The following GRIK1 variants were observed in gnomAD, a reference collection of about 807,000 sequenced individuals.
The protein encoded by GRIK1 is glutamate receptor ionotropic, kainate 1.
In GRIK1, 69 loss-of-function variants were observed where a neutral mutation model predicts 105.7. That is an observed-to-expected ratio of 0.65 (90% CI 0.54 to 0.80). The LOEUF (loss-of-function observed/expected upper bound fraction) is 0.80. GRIK1 is among the 30% of genes least tolerant of loss of function. The probability of loss-of-function intolerance (pLI) is 0.00; values close to 1 mark genes in which losing one functional copy is unlikely to be tolerated. For synonymous variants in GRIK1, 438 were observed against 431.3 expected, an observed-to-expected ratio of 1.02 and a Z score of -0.19; for missense variants, 1,109 against 1,167.3, an observed-to-expected ratio of 0.95 and a Z score of 0.73.
intron 4 of GRIK1, among the ~76,000 whole-genome samples, chr21:29,656,969 G>T (rs1185261778): frequency 6.6e-6 from 1 of 152,204 alleles, no homozygotes; most frequent in Admixed American, 6.5e-5. Flanking sequence ...GCACACTAAA[G>T]GATGTTTTTT....
At chr21:29,791,918 C>T (rs886679997) in intron 1 of GRIK1, among the ~76,000 whole-genome samples, 14 of 152,110 alleles carry the variant, frequency 9.2e-5, no homozygotes, top group African/African-American at 2.4e-5. Context: ...AATATTTACA[C>T]ATGTATTGAT....
rs926503735 is a variant in GRIK1, at chr21:29,726,958, C to A, written c.119-32895G>T. ...TTTTTTATTTTTTCTGAGACAGGGT[C>A]TCACTCTGTCACCCAGGTTGCAGTG... On this transcript the variant is annotated intron_variant, in intron 1 of 17. Transcript: ENST00000327783. Among the ~76,000 whole-genome samples, 4 of 152,006 alleles carry A rather than the reference C, an allele frequency of 2.6e-5. No homozygotes were observed. In the Middle Eastern group the frequency reaches 0.01, roughly 388 times the overall value.
intron 15 of GRIK1, among the ~76,000 whole-genome samples, chr21:29,560,363 T>TTC (rs2090393937): frequency 4.2e-4 from 20 of 47,852 alleles, no homozygotes; most frequent in African/African-American, 1.7e-3. Flanking sequence ...TTCTTTTTCT[T>TTC]TCTTCCTTCC....
intron 16 of GRIK1, among the ~76,000 whole-genome samples, chr21:29,539,154 A>G (rs1311095162): frequency 6.6e-6 from 1 of 152,206 alleles, no homozygotes; most frequent in Non-Finnish European, 1.5e-5. Context: ...CACACAAAGA[A>G]AAACGTCAGA....
At position 29,616,306 on chromosome 21, in the gene GRIK1, G is replaced by A. The variant is rs188833928; in HGVS notation, c.1099-17369C>T. On this transcript the variant is annotated intron_variant, in intron 7 of 17. Coordinates refer to ENST00000327783, the MANE Select transcript of GRIK1 (RefSeq NM_001330994.2). Reference sequence around the variant, plus strand: ...ACTCTCTTGTCCATCAAGCAAATACGTTTAGATTTAAAAAAAATAGTAATG... The same window carrying A: ...ACTCTCTTGTCCATCAAGCAAATACATTTAGATTTAAAAAAAATAGTAATG... 2.9e-4 allele frequency among the ~76,000 whole-genome samples: 44 copies of A among 152,174 alleles called. No homozygotes were observed. The East Asian group carries it at 5.6e-3, about 19-fold the overall frequency.
intron 3 of GRIK1, among the ~76,000 whole-genome samples, chr21:29,674,534 G>C (rs967447720): frequency 6.6e-6 from 1 of 151,648 alleles, no homozygotes; most frequent in Admixed American, 6.6e-5. Context: ...CCCATGTGTC[G>C]GGGGGGAACT....
At chr21:29,585,311 G>A (rs1159919418) in intron 12 of GRIK1, among the ~76,000 whole-genome samples, 15 of 152,026 alleles carry the variant, frequency 9.9e-5, no homozygotes, top group Admixed American at 8.5e-4. Flanking sequence ...TAGACAAAGA[G>A]GGGAAAACTA....
At position 29,848,272 on chromosome 21, in the gene GRIK1, ACTAT is replaced by A. The variant is rs2068189732; in HGVS notation, c.118+91107_118+91110del. Among the ~76,000 whole-genome samples, 4 of 152,202 alleles carry A rather than the reference ACTAT, an allele frequency of 2.6e-5. No homozygotes were observed. In the South Asian group the frequency reaches 8.3e-4, roughly 32 times the overall value. On this transcript the variant is annotated intron_variant, in intron 1 of 17. Transcript: ENST00000327783. ...ACAATGCATGCTTCTGCTAAATTAG[ACTAT>A]CTGAGCTGGAATGCCAACAGTATCA...
chr21:29,623,786 T>C (rs556460013), intron 7 of GRIK1, among the ~76,000 whole-genome samples: 1 of 152,214 alleles, frequency 6.6e-6, no homozygotes, highest in Non-Finnish European at 1.5e-5. Flanking sequence ...TTTGACCCTA[T>C]ATAAGAGTCA....
chr21:29,939,534 C>T lies in GRIK1; in HGVS notation c.-34G>A, dbSNP rs780586713. The T allele has an allele frequency of 2.9e-5, 40 of 1,389,328 alleles. No homozygotes were observed. The highest frequency in any genetic ancestry group is 3.6e-5 in the Non-Finnish European group (37 of 1,014,110). The allele number at this position is 1,389,328 out of a possible 1,614,324, so 86.1% of individuals were successfully genotyped here. On this transcript the variant is annotated 5_prime_UTR_variant, in exon 1 of 18. Coordinates refer to ENST00000327783, the MANE Select transcript of GRIK1 (RefSeq NM_001330994.2). The stretch of plus-strand genomic sequence containing the variant: ...CTTCTTAATTCATGCCGAGATACAG[C>T]CGCTGCCGGACGCCCGAGAGATGCA...
At position 29,670,505 on chromosome 21, in the gene GRIK1, G is replaced by A. The variant is rs145643534; in HGVS notation, c.726+2478C>T. Among the ~76,000 whole-genome samples, 5 of 152,234 alleles carry A rather than the reference G, an allele frequency of 3.3e-5. 1 individual carries two copies. The East Asian group carries it at 9.6e-4, about 29-fold the overall frequency. On this transcript the variant is annotated intron_variant, in intron 4 of 17. Transcript: ENST00000327783. Reference sequence around the variant, plus strand: ...CAAGTCCAAATTTAGTGAAATAGAAGAGAAAATCTAGCAGCCCTTCCCTGC... The same window carrying A: ...CAAGTCCAAATTTAGTGAAATAGAAAAGAAAATCTAGCAGCCCTTCCCTGC...
chr21:29,697,137 T>G (rs1182996493), intron 1 of GRIK1, among the ~76,000 whole-genome samples: 1 of 152,224 alleles, frequency 6.6e-6, no homozygotes, highest in Non-Finnish European at 1.5e-5. Context: ...ATCAAGTTAT[T>G]TCTGTTGTTC....
intron 1 of GRIK1, among the ~76,000 whole-genome samples, chr21:29,868,840 C>T (rs918384693): frequency 2.6e-5 from 4 of 152,140 alleles, no homozygotes; most frequent in Non-Finnish European, 5.9e-5. Context: ...CAGATCCGTC[C>T]ACATTACACC....
intron 13 of GRIK1, among the ~76,000 whole-genome samples, chr21:29,579,394 A>C (rs1202241053): frequency 6.6e-6 from 1 of 152,216 alleles, no homozygotes; most frequent in Non-Finnish European, 1.5e-5. Flanking sequence ...TTAAAAGTTG[A>C]GTAAAACATT....
intron 1 of GRIK1, among the ~76,000 whole-genome samples, chr21:29,936,973 TGG>T (rs1375009969): frequency 6.6e-6 from 1 of 152,182 alleles, no homozygotes; most frequent in East Asian, 1.9e-4. Context: ...CCCTTTTTAT[TGG>T]TTGGTTGATT....
intron 6 of GRIK1, among the ~76,000 whole-genome samples, chr21:29,647,674 A>G (rs79990984): frequency 0.015 from 2,260 of 152,312 alleles, 50 homozygotes; most frequent in African/African-American, 0.051. Flanking sequence ...AGAATGAACC[A>G]TTCTGTATTA....
chr21:29,586,648 C>T (rs2091136411), intron 12 of GRIK1, among the ~76,000 whole-genome samples: 1 of 152,194 alleles, frequency 6.6e-6, no homozygotes, highest in South Asian at 2.1e-4. Context: ...AATTTAGCAT[C>T]AAAAGTATTC....
intron 1 of GRIK1, among the ~76,000 whole-genome samples, chr21:29,833,627 G>T (rs1047056844): frequency 9.2e-5 from 14 of 152,222 alleles, no homozygotes; most frequent in African/African-American, 3.1e-4. Flanking sequence ...TATCTCATGA[G>T]AACTCACTCA....
chr21:29,620,812 T>TAGATAGATAGATAG (rs1277538736), intron 7 of GRIK1, among the ~76,000 whole-genome samples: 38 of 117,448 alleles, frequency 3.2e-4, no homozygotes, highest in African/African-American at 1.4e-3. Flanking sequence ...TATAGATATA[T>TAGATAGATAGATAG]ATATATAGTA....
Sources: gnomAD v4.1 joint callset for allele counts (sites outside exome capture counted in the v4.1 genomes callset) on GRCh38, gnomAD v4.1.1 for gene constraint, MANE v1.5 for transcripts, NCBI Gene and HGNC (gene_info 2026-07-23, HGNC 2026-07-21) for gene names.